The following OIT3 variants were observed in gnomAD, a reference collection of about 807,000 sequenced individuals.
OIT3 encodes the protein oncoprotein-induced transcript 3 protein.
A neutral mutation model predicts 52.2 loss-of-function variants in OIT3; 41 were observed. The ratio of observed to expected loss-of-function variants is 0.79; its 90% confidence interval spans 0.61 to 1.02. The LOEUF is 1.02. Ranked by LOEUF, OIT3 falls within the 50% of genes least tolerant of loss-of-function variation. The pLI is 0.00. For missense variants in OIT3, 634 were observed against 715.5 expected (o/e 0.89, Z 1.30); for synonymous variants, 244 against 276.9 (o/e 0.88, Z 1.18).
intron 3 of OIT3, among the ~76,000 whole-genome samples, chr10:72,901,749 A>C (rs1845936754): frequency 6.6e-6 from 1 of 152,202 alleles, no homozygotes; most frequent in Non-Finnish European, 1.5e-5. Context: ...TTTGCTCTTC[A>C]GTCTCCTAAA....
intron 3 of OIT3, among the ~76,000 whole-genome samples, chr10:72,903,560 A>G (rs1472629607): frequency 6.6e-6 from 1 of 152,170 alleles, no homozygotes; most frequent in Non-Finnish European, 1.5e-5. Context: ...ACAATTTTGT[A>G]AATACAGTAA....
chr10:72,918,179 C>A, intron 6 of OIT3: 1 of 1,167,382 alleles, frequency 8.6e-7, no homozygotes. Context: ...CATCTTCCTC[C>A]ACAGCTACTA....
intron 2 of OIT3, among the ~76,000 whole-genome samples, 175 bp downstream of exon 2, chr10:72,899,213 A>C (rs1343991301): frequency 2.6e-5 from 4 of 152,222 alleles, no homozygotes; most frequent in Non-Finnish European, 5.9e-5. Flanking sequence ...CTTCTGAAAA[A>C]TTCCTGAAGA....
At chr10:72,924,944 C>G (rs1298265317) in intron 7 of OIT3, among the ~76,000 whole-genome samples, 3 of 151,926 alleles carry the variant, frequency 2.0e-5, no homozygotes, top group Admixed American at 6.6e-5. Context: ...AACCCTGTCT[C>G]TACTCAAAAT....
chr10:72,900,301 G>T (rs145062197), intron 2 of OIT3, 76 bp from the exon 3 acceptor site: 2 of 337,250 alleles, frequency 5.9e-6, no homozygotes, highest in Non-Finnish European at 5.5e-6. Flanking sequence ...CCGACCCCCC[G>T]CACCATCTCT....
chr10:72,918,543 G>T, intron 6 of OIT3: 2 of 1,332,102 alleles, frequency 1.5e-6, no homozygotes, highest in Non-Finnish European at 2.1e-6. Context: ...ATCGGGTGGC[G>T]GCACACACTT....
rs1845898785 is a variant in OIT3, at chr10:72,898,722, C to T, written c.120C>T (p.His40=). The T allele has an allele frequency of 9.3e-6, 15 of 1,613,970 alleles. No individual in the cohort carries two copies. Among genetic ancestry groups the T allele is most frequent in the Non-Finnish European group, 1.3e-5 (15 of 1,179,906 alleles). Residue 40 remains histidine (H), a synonymous_variant, in exon 2 of 9, where the codon CAC becomes CAT. Coordinates refer to ENST00000334011, the MANE Select transcript of OIT3 (RefSeq NM_152635.3). The part of the protein sequence containing the change: ...SLNEPWRNTD[H]QLDESQGPPL... ...ATGAGCCCTGGAGGAACACTGACCA[C>T]CAGTTGGATGAGTCTCAAGGTCCTC...
At chr10:72,910,527 A>G (rs549928366) in intron 4 of OIT3, among the ~76,000 whole-genome samples, 1 of 152,180 alleles carries the variant, frequency 6.6e-6, no homozygotes, top group Admixed American at 6.6e-5. Flanking sequence ...AAAAATACAG[A>G]TGTATAAACT....
chr10:72,931,346 C>T (rs1589533037), intron 8 of OIT3, among the ~76,000 whole-genome samples: 1 of 152,078 alleles, frequency 6.6e-6, no homozygotes, highest in South Asian at 2.1e-4. Flanking sequence ...TTAAAATTAG[C>T]TGGGCATAGT....
chr10:72,906,321 C>T (rs1241074267), intron 3 of OIT3, among the ~76,000 whole-genome samples: 2 of 152,172 alleles, frequency 1.3e-5, no homozygotes, highest in South Asian at 2.1e-4. Context: ...GGTGTACCCA[C>T]GACTCAAAAG....
chr10:72,913,803 A>G, intron 6 of OIT3: 1 of 395,136 alleles, frequency 2.5e-6, no homozygotes, highest in South Asian at 2.0e-5. Context: ...AGCAACTAAT[A>G]CAGTTGGTGG....
intron 1 of OIT3, among the ~76,000 whole-genome samples, chr10:72,897,685 A>G (rs1030703310): frequency 6.6e-6 from 1 of 152,206 alleles, no homozygotes; most frequent in Non-Finnish European, 1.5e-5. Context: ...ATCTTTACAA[A>G]TGGCCAGCCA....
At chr10:72,903,684 AC>A (rs1333190208) in intron 3 of OIT3, among the ~76,000 whole-genome samples, 3 of 152,194 alleles carry the variant, frequency 2.0e-5, no homozygotes, top group Non-Finnish European at 4.4e-5. Flanking sequence ...TTATGTATGT[AC>A]CCATAACAAT....
chr10:72,911,543 T>C (rs1846028003), intron 4 of OIT3, among the ~76,000 whole-genome samples, 174 bp from the exon 5 acceptor site: 1 of 152,176 alleles, frequency 6.6e-6, no homozygotes, highest in African/African-American at 2.4e-5. Context: ...AGATTGCTCT[T>C]TGTAGCTATG....
chr10:72,925,158 G>A (rs1027294361), intron 7 of OIT3, among the ~76,000 whole-genome samples: 3 of 149,786 alleles, frequency 2.0e-5, no homozygotes, highest in African/African-American at 7.4e-5. Flanking sequence ...TCTAACCCAG[G>A]TGACTGACTA....
At chr10:72,930,679 CTTTTT>C (rs368917423) in intron 8 of OIT3, 42 bp downstream of exon 8, 1,402 of 754,868 alleles carry the variant, frequency 1.9e-3, no homozygotes, top group East Asian at 2.5e-3. Flanking sequence ...GAACCTGAGC[CTTTTT>C]TTTTTTTTTT....
chr10:72,908,939 A>AT (rs898047793), intron 4 of OIT3, among the ~76,000 whole-genome samples: 133 of 141,744 alleles, frequency 9.4e-4, no homozygotes, highest in East Asian at 3.7e-3. Flanking sequence ...GCCCTTTTTA[A>AT]TTTTTTTTTT....
chr10:72,898,606 T>G, intron 1 of OIT3, 58 bp from the exon 2 acceptor site: 1 of 1,493,744 alleles, frequency 6.7e-7, no homozygotes. Context: ...GGACTTGGGC[T>G]GTTGGTGGTG....
At chr10:72,930,914 C>A (rs975489125) in intron 8 of OIT3, among the ~76,000 whole-genome samples, 2 of 152,092 alleles carry the variant, frequency 1.3e-5, no homozygotes, top group Admixed American at 1.3e-4. Context: ...AATTTAAAAT[C>A]TTTGTGGGCA....
Sources: allele counts gnomAD v4.1 joint callset (sites outside exome capture counted in the v4.1 genomes callset), GRCh38; gene constraint gnomAD v4.1.1; transcripts MANE v1.5; gene names NCBI Gene and HGNC (gene_info 2026-07-23, HGNC 2026-07-21).